Variants in MACIR observed in about 807,000 individuals in gnomAD.
MACIR encodes macrophage immunometabolism regulator.
MACIR carries 4 observed loss-of-function variants against 14.3 expected under a neutral mutation model. The ratio of observed to expected loss-of-function variants is 0.28; its 90% CI spans 0.14 to 0.64. The LOEUF is 0.64. Among genes scored for constraint, MACIR ranks in the 30% least tolerant of loss-of-function variants. The pLI, the probability that MACIR is intolerant of heterozygous loss-of-function variation, is 0.83. For synonymous variants in MACIR, 101 were observed against 102.4 expected (o/e 0.99, Z 0.08); for missense variants, 228 against 257.6 (o/e 0.89, Z 0.79).
At chr5:103,261,215 A>G (rs1382014175) in intron 1 of MACIR, among the ~76,000 whole-genome samples, 1 of 152,218 alleles carries the variant, frequency 6.6e-6, no homozygotes, top group East Asian at 1.9e-4. Flanking sequence ...TTATCTTACA[A>G]AGTTGGCAAG....
At chr5:103,275,303 C>T (rs1028764793) in intron 2 of MACIR, among the ~76,000 whole-genome samples, 1 of 152,162 alleles carries the variant, frequency 6.6e-6, no homozygotes, top group East Asian at 1.9e-4. Flanking sequence ...GAACCTTCCC[C>T]TAAGACTCCT....
chr5:103,267,441 T>C (rs782358757), intron 2 of MACIR, among the ~76,000 whole-genome samples: 3 of 152,154 alleles, frequency 2.0e-5, no homozygotes, highest in Non-Finnish European at 2.9e-5. Context: ...ATTGGTTGAA[T>C]CCATGGATGC....
intron 2 of MACIR, among the ~76,000 whole-genome samples, chr5:103,271,078 TTGGGGAGTTGGAA>T (rs1423720594): frequency 6.6e-6 from 1 of 152,104 alleles, no homozygotes; most frequent in Non-Finnish European, 1.5e-5. Context: ...AGCTAAAGGT[TTGGGGAGTTGGAA>T]TTTTTTTTAA....
rs371831522 is a variant in MACIR at position 103,275,911 on chromosome 5, G to C, written c.-9G>C. The C allele has an allele frequency of 6.2e-7, 1 of 1,607,108 alleles. No individual in the cohort carries two copies. The highest frequency in any genetic ancestry group is 1.3e-5 in the African/African-American group (1 of 74,700). The stretch of plus-strand genomic sequence containing the variant: ...TTTACTTTTAGGATTGTGCAGACTG[G>C]TGCTTAAAATGGAAGTCGATATTAA... On this transcript the variant is annotated 5_prime_UTR_variant, in exon 3 of 3. Coordinates refer to ENST00000319933, the MANE Select transcript of MACIR (RefSeq NM_033211.4).
chr5:103,273,252 T>A (rs1805199088), intron 2 of MACIR, among the ~76,000 whole-genome samples: 1 of 151,588 alleles, frequency 6.6e-6, no homozygotes, highest in South Asian at 2.1e-4. Flanking sequence ...TTAAACCACA[T>A]CTGTATCTTC....
chr5:103,270,155 G>T (rs1048246028), intron 2 of MACIR, among the ~76,000 whole-genome samples: 1 of 152,082 alleles, frequency 6.6e-6, no homozygotes, highest in Non-Finnish European at 1.5e-5. Flanking sequence ...GTGTATAGAT[G>T]ATACTCTTTA....
At chr5:103,269,582 A>C (rs1554236969) in intron 2 of MACIR, among the ~76,000 whole-genome samples, 1 of 152,158 alleles carries the variant, frequency 6.6e-6, no homozygotes, top group Non-Finnish European at 1.5e-5. Context: ...TCTGAAATTT[A>C]TTAGCTATTT....
At chr5:103,258,393 A>G (rs782739288), upstream of MACIR, among the ~76,000 whole-genome samples, 2 of 152,060 alleles carry the variant, frequency 1.3e-5, no homozygotes, top group Non-Finnish European at 2.9e-5. Context: ...CAAGTGACAA[A>G]TATCAGCACA....
chr5:103,262,699 G>GT (rs1184173952), intron 1 of MACIR, among the ~76,000 whole-genome samples: 3 of 152,102 alleles, frequency 2.0e-5, no homozygotes, highest in South Asian at 2.1e-4. Flanking sequence ...CCACTGCTTG[G>GT]TTTTTTCCTA....
At chr5:103,260,146 A>G (rs1804625999) in intron 1 of MACIR, among the ~76,000 whole-genome samples, 1 of 150,676 alleles carries the variant, frequency 6.6e-6, no homozygotes, top group African/African-American at 2.4e-5. Flanking sequence ...GAATGGAGGC[A>G]TTTTACAGTG....
At chr5:103,272,969 G>C (rs1258931489) in intron 2 of MACIR, among the ~76,000 whole-genome samples, 1 of 152,150 alleles carries the variant, frequency 6.6e-6, no homozygotes, top group East Asian at 1.9e-4. Context: ...TTGCTCATCA[G>C]AAGTTCAGCA....
intron 1 of MACIR, among the ~76,000 whole-genome samples, chr5:103,262,769 A>G (rs782159852): frequency 1.3e-5 from 2 of 152,166 alleles, no homozygotes; most frequent in African/African-American, 2.4e-5. Flanking sequence ...TATAACTGGA[A>G]GCATTTATTA....
At chr5:103,269,233 A>C (rs568914127) in intron 2 of MACIR, among the ~76,000 whole-genome samples, 2 of 152,052 alleles carry the variant, frequency 1.3e-5, no homozygotes, top group South Asian at 4.1e-4. Flanking sequence ...ACAAACAAAA[A>C]ACACAAAAAT....
In MACIR at chr5:103,276,005, C is replaced by T. The variant is rs111728159; in HGVS notation, c.86C>T (p.Ala29Val). The T allele has an allele frequency of 3.9e-5, 63 of 1,614,062 alleles. 1 individual carries two copies. In the African/African-American group the frequency reaches 4.3e-4, roughly 11 times the overall value. ...GCTGAGGCCAACTCCCCGGGAAAGG[C>T]GGAGGCAGAGAAGCCCCGCTGCTCC... ...PGAEANSPGK[A>V]EAEKPRCSST... The change falls in exon 3 of 3, where the codon GCG (alanine) becomes GTG (valine). Residue 29 changes from alanine to valine, a missense_variant. Physicochemically the swap from Ala to Val is moderately conservative, Grantham distance 64. Transcript: ENST00000319933.
rs74643322 is a variant in MACIR at position 103,263,959 on chromosome 5, G to A, written c.-113-1949G>A. Among the ~76,000 whole-genome samples the A allele has an allele frequency of 3.7e-3, 560 of 152,136 alleles. 4 individuals carry two copies. Among genetic ancestry groups the A allele is most frequent in the African/African-American group, 0.013 (546 of 41,504 alleles). On this transcript the variant is annotated intron_variant, in intron 1 of 2. Transcript: ENST00000319933. ...AAGGATTTTGTATAAGACTTTCCAC[G>A]ATGTGCCACCAAATCTTAATATTTT...
intron 1 of MACIR, among the ~76,000 whole-genome samples, chr5:103,260,286 A>G (rs2149918271): frequency 6.6e-6 from 1 of 151,776 alleles, no homozygotes; most frequent in South Asian, 2.1e-4. Context: ...ATTTTCTCAA[A>G]TCCTGTAATG....
intron 1 of MACIR, among the ~76,000 whole-genome samples, chr5:103,264,590 A>T (rs560046667): frequency 6.6e-6 from 1 of 152,286 alleles, no homozygotes; most frequent in Non-Finnish European, 1.5e-5. Context: ...ATCAAGGCTT[A>T]CTTTTCAAGA....
upstream of MACIR, among the ~76,000 whole-genome samples, chr5:103,258,425 A>G (rs1347942592): frequency 7.2e-5 from 11 of 152,250 alleles, no homozygotes; most frequent in African/African-American, 2.6e-4. Context: ...AGGAAGCCGG[A>G]GTGTTCCCAG....
At chr5:103,274,389 TA>T (rs1368065232) in intron 2 of MACIR, among the ~76,000 whole-genome samples, 28 of 150,804 alleles carry the variant, frequency 1.9e-4, no homozygotes, top group African/African-American at 5.6e-4. Context: ...ATATTTACAT[TA>T]AAAATATAAT....
Sources: allele counts gnomAD v4.1 joint callset (sites outside exome capture counted in the v4.1 genomes callset), GRCh38; gene constraint gnomAD v4.1.1; transcripts MANE v1.5; gene names NCBI Gene and HGNC (gene_info 2026-07-23, HGNC 2026-07-21).